Variants in DZANK1 observed in about 807,000 individuals in gnomAD.
The protein encoded by DZANK1 is double zinc ribbon and ankyrin repeat-containing protein 1.
DZANK1 carries 91 observed loss-of-function variants against 94.5 expected under a neutral mutation model. The ratio of observed to expected loss-of-function variants is 0.96; its 90% CI spans 0.81 to 1.15. DZANK1 has a LOEUF of 1.15. Among genes scored for constraint, DZANK1 ranks in the 50% most tolerant of loss-of-function variants. The probability of loss-of-function intolerance (pLI) is 0.00; values close to 1 mark genes in which losing one functional copy is unlikely to be tolerated. For synonymous variants in DZANK1, 312 were observed against 325.3 expected (o/e 0.96, Z 0.44); for missense variants, 903 against 916.4 (o/e 0.99, Z 0.19).
chr20:18,410,914 G>A (rs192927739), intron 13 of DZANK1, among the ~76,000 whole-genome samples: 38 of 152,262 alleles, frequency 2.5e-4, no homozygotes, highest in Non-Finnish European at 4.3e-4. Flanking sequence ...TTGTGCCACC[G>A]CACTCCAGCC....
chr20:18,398,673 TAAGA>T, intron 13 of DZANK1, 47 bp from the exon 14 acceptor site: 1 of 1,550,276 alleles, frequency 6.5e-7, no homozygotes, highest in Non-Finnish European at 8.9e-7. Context: ...CTCCTGAGAC[TAAGA>T]AAGAAAAATG....
chr20:18,452,655 C>T (rs768658659), exon 6 of DZANK1: 1 of 1,604,680 alleles, frequency 6.2e-7, no homozygotes, highest in East Asian at 2.2e-5. Flanking sequence ...TGATCCTCCA[C>T]CATAAGCTGG....
intron 15 of DZANK1, among the ~76,000 whole-genome samples, chr20:18,395,483 TAGCTGGCCAGGTTACTCACCCC>T (rs1469208023): frequency 6.6e-6 from 1 of 152,184 alleles, no homozygotes; most frequent in Non-Finnish European, 1.5e-5. Flanking sequence ...CCATTCCCAC[TAGCTGGCCAGGTTACTCACCCC>T]AGCTGTTGTG....
At chr20:18,406,377 C>A (rs530981466) in intron 13 of DZANK1, among the ~76,000 whole-genome samples, 1 of 152,330 alleles carries the variant, frequency 6.6e-6, no homozygotes, top group South Asian at 2.1e-4. Context: ...TAGGACAGGG[C>A]ATAAGGCAGA....
intron 8 of DZANK1, among the ~76,000 whole-genome samples, chr20:18,438,240 GAAATAACACA>G (rs1190096471): frequency 8.3e-5 from 9 of 108,806 alleles, no homozygotes; most frequent in African/African-American, 2.2e-4. Context: ...AAAAAAAAAA[GAAATAACACA>G]AAAGAAAGCA....
At chr20:18,447,701 C>T (rs901238512) in intron 7 of DZANK1, among the ~76,000 whole-genome samples, 1 of 151,994 alleles carries the variant, frequency 6.6e-6, no homozygotes, top group Admixed American at 6.6e-5. Context: ...TGGAAATAAG[C>T]ACATGAAAAG....
At position 18,390,374 on chromosome 20, in the gene DZANK1, C is replaced by T. The variant is rs1188264428; in HGVS notation, c.1890+5G>A. ...AGAGAGACTGGCTCCTTTGGCAACA[C>T]TTACCTCATCCAGCAGCTGTTCAAT... On this transcript the variant is annotated splice_donor_5th_base_variant and intron_variant, in intron 18 of 20. Coordinates refer to ENST00000262547, the Ensembl canonical transcript of DZANK1. 5.0e-6 allele frequency: 8 copies of T among 1,613,758 alleles called. No individual in the cohort carries two copies. Among genetic ancestry groups the T allele is most frequent in the Non-Finnish European group, 6.8e-6 (8 of 1,179,754 alleles).
intron 17 of DZANK1, among the ~76,000 whole-genome samples, chr20:18,390,756 A>G (rs1034763254): frequency 3.9e-5 from 6 of 152,234 alleles, no homozygotes; most frequent in African/African-American, 1.4e-4. Flanking sequence ...TAGTTTTATT[A>G]TGACTAGAGC....
At chr20:18,400,615 C>T (rs574519021) in intron 13 of DZANK1, among the ~76,000 whole-genome samples, 2 of 152,346 alleles carry the variant, frequency 1.3e-5, no homozygotes, top group East Asian at 3.9e-4. Context: ...CCATCCACCA[C>T]AGCTGCACTG....
chr20:18,409,181 A>T (rs1157477738), intron 13 of DZANK1, among the ~76,000 whole-genome samples: 5 of 152,160 alleles, frequency 3.3e-5, no homozygotes, highest in Non-Finnish European at 4.4e-5. Flanking sequence ...AAATTTAAAA[A>T]TTTTTTAAAA....
chr20:18,398,422 G>C, intron 14 of DZANK1, 101 bp downstream of exon 14: 1 of 1,036,456 alleles, frequency 9.6e-7, no homozygotes, highest in Admixed American at 1.8e-5. Flanking sequence ...GCAGGAAAGG[G>C]AAAGGAGCCA....
chr20:18,418,338 C>T (rs1242995297), intron 10 of DZANK1, among the ~76,000 whole-genome samples: 1 of 152,062 alleles, frequency 6.6e-6, no homozygotes, highest in African/African-American at 2.4e-5. Context: ...AGGGAGCTCC[C>T]AGAAAGAAAC....
At chr20:18,449,491 C>G (rs2088943281) in intron 6 of DZANK1, among the ~76,000 whole-genome samples, 1 of 151,942 alleles carries the variant, frequency 6.6e-6, no homozygotes, top group South Asian at 2.1e-4. Context: ...TGAGAGTTTA[C>G]AATAAAAGAT....
At chr20:18,394,565 T>C in intron 15 of DZANK1, 1 of 681,998 alleles carries the variant, frequency 1.5e-6, no homozygotes, top group African/African-American at 1.7e-5. Flanking sequence ...GTCTGGCCCC[T>C]CCTCCTCTCC....
intron 12 of DZANK1, 120 bp downstream of exon 12, chr20:18,414,228 C>T: frequency 2.6e-6 from 3 of 1,169,970 alleles, no homozygotes; most frequent in Non-Finnish European, 3.5e-6. Flanking sequence ...GTTGAAATTC[C>T]ATGTGAAAGT....
chr20:18,400,885 A>G (rs559857090), intron 13 of DZANK1, among the ~76,000 whole-genome samples: 4 of 152,194 alleles, frequency 2.6e-5, no homozygotes, highest in Non-Finnish European at 5.9e-5. Context: ...ATACGTATGT[A>G]GGAGTATGTT....
chr20:18,383,953 G>C (rs991036920), exon 21 of DZANK1: 1 of 157,806 alleles, frequency 6.3e-6, no homozygotes, highest in African/African-American at 2.4e-5. Context: ...GGCTTATACT[G>C]TCATATGATT....
intron 8 of DZANK1, among the ~76,000 whole-genome samples, chr20:18,437,297 G>C (rs945254859): frequency 8.5e-5 from 13 of 152,186 alleles, no homozygotes; most frequent in African/African-American, 3.1e-4. Context: ...GAAAGAAAGG[G>C]GCCGGGTGCG....
At chr20:18,440,349 G>A (rs944125693) in intron 8 of DZANK1, among the ~76,000 whole-genome samples, 6 of 152,172 alleles carry the variant, frequency 3.9e-5, no homozygotes, top group African/African-American at 7.2e-5. Flanking sequence ...TATAGCCACC[G>A]CAGCTGCATT....
Sources: gnomAD v4.1 joint callset for allele counts (sites outside exome capture counted in the v4.1 genomes callset) on GRCh38, gnomAD v4.1.1 for gene constraint, MANE v1.5 for transcripts, NCBI Gene and HGNC (gene_info 2026-07-23, HGNC 2026-07-21) for gene names.